FAM200B: variants seen among roughly 807,000 people sequenced by gnomAD.
FAM200B encodes the protein zinc finger BED-type containing 11, also known as protein FAM200B.
In FAM200B, 32 loss-of-function variants were observed where a neutral mutation model predicts 33.1. The observed-to-expected ratio is 0.97, with a 90% CI of 0.73 to 1.30. FAM200B has a LOEUF of 1.30. FAM200B is among the 50% of genes most tolerant of loss of function. The pLI is 0.00. For missense variants in FAM200B, 741 were observed against 754.0 expected (o/e 0.98, Z 0.20); for synonymous variants, 240 against 264.8 (o/e 0.91, Z 0.91).
the FAM200B span, among the ~76,000 whole-genome samples, chr4:15,643,350 G>T: frequency 1.3e-5 from 2 of 152,330 alleles, no homozygotes; most frequent in East Asian, 3.9e-4. Flanking sequence ...TAACAGAGTT[G>T]TAACTTAAGC....
At chr4:15,681,028 A>G (rs987935371), upstream of FAM200B, among the ~76,000 whole-genome samples, 2 of 151,306 alleles carry the variant, frequency 1.3e-5, no homozygotes, top group African/African-American at 4.8e-5. Flanking sequence ...ACTTATTTGC[A>G]CGAACCTATC....
chr4:15,643,466 A>C, the FAM200B span, among the ~76,000 whole-genome samples: 2 of 152,292 alleles, frequency 1.3e-5, no homozygotes, highest in African/African-American at 4.8e-5. Flanking sequence ...ATTATCCTAA[A>C]CTATACCCAG....
At chr4:15,642,780 ACCT>A in the FAM200B span, among the ~76,000 whole-genome samples, 1 of 151,668 alleles carries the variant, frequency 6.6e-6, no homozygotes, top group African/African-American at 2.4e-5. Context: ...CATCTTTACC[ACCT>A]CCTATTCATA....
the FAM200B span, among the ~76,000 whole-genome samples, chr4:15,646,377 T>A: frequency 6.6e-6 from 1 of 151,316 alleles, no homozygotes; most frequent in Non-Finnish European, 1.5e-5. Flanking sequence ...GATTTTTTTT[T>A]AAATCATAAG....
At chr4:15,671,438 G>A in the FAM200B span, among the ~76,000 whole-genome samples, 1 of 151,488 alleles carries the variant, frequency 6.6e-6, no homozygotes, top group South Asian at 2.1e-4. Flanking sequence ...GGTGTACTCT[G>A]GTTTGGGTTT....
upstream of FAM200B, among the ~76,000 whole-genome samples, chr4:15,679,957 G>C (rs1023783905): frequency 1.3e-5 from 2 of 152,156 alleles, no homozygotes; most frequent in Non-Finnish European, 2.9e-5. Context: ...CTGAAGAGTT[G>C]TTTCTAATAT....
chr4:15,669,513 G>A, the FAM200B span, among the ~76,000 whole-genome samples: 1 of 151,842 alleles, frequency 6.6e-6, no homozygotes, highest in Non-Finnish European at 1.5e-5. Flanking sequence ...TTCCAGCCTT[G>A]GCAACAGAGA....
the FAM200B span, among the ~76,000 whole-genome samples, chr4:15,674,458 T>G: frequency 6.6e-6 from 1 of 152,066 alleles, no homozygotes; most frequent in African/African-American, 2.4e-5. Flanking sequence ...GTCCCCCAAT[T>G]TTTATTATAT....
At chr4:15,662,056 G>T in the FAM200B span, among the ~76,000 whole-genome samples, 1 of 152,158 alleles carries the variant, frequency 6.6e-6, no homozygotes, top group African/African-American at 2.4e-5. Context: ...AAATAAGTCA[G>T]TCTTTTATAA....
the FAM200B span, among the ~76,000 whole-genome samples, chr4:15,658,963 T>C: frequency 6.6e-6 from 1 of 152,218 alleles, no homozygotes. Context: ...TAAATCCTGA[T>C]TACTGTTCTT....
exon 1 of FAM200B, chr4:15,681,817 TGGGGAGAGCA>T (rs992676773): frequency 1.3e-5 from 2 of 152,484 alleles, no homozygotes; most frequent in African/African-American, 2.4e-5. Flanking sequence ...GAGGGAAGTG[TGGGGAGAGCA>T]GAGGCGCAGC....
upstream of FAM200B, among the ~76,000 whole-genome samples, chr4:15,680,395 G>C (rs1718180937): frequency 6.6e-6 from 1 of 152,182 alleles, no homozygotes; most frequent in South Asian, 2.1e-4. Context: ...GAGAGGCTGG[G>C]TGCAGTGGCT....
chr4:15,644,589 C>A, the FAM200B span: 1 of 1,614,076 alleles, frequency 6.2e-7, no homozygotes, highest in Non-Finnish European at 8.5e-7. Flanking sequence ...GTTGTTGAAG[C>A]AAACCAATAA....
At chr4:15,682,090 G>A (rs1449637970) in intron 1 of FAM200B, 189 bp downstream of exon 1, 1 of 152,408 alleles carries the variant, frequency 6.6e-6, no homozygotes, top group Admixed American at 6.5e-5. Context: ...TCAGGCCAAA[G>A]TTCATTGAAA....
chr4:15,669,021 T>C, the FAM200B span, among the ~76,000 whole-genome samples: 2 of 152,216 alleles, frequency 1.3e-5, no homozygotes, highest in Non-Finnish European at 2.9e-5. Flanking sequence ...ATAACACTTG[T>C]AGAGAAATGT....
the FAM200B span, among the ~76,000 whole-genome samples, chr4:15,661,900 G>A: frequency 2.0e-5 from 3 of 152,210 alleles, no homozygotes; most frequent in Non-Finnish European, 4.4e-5. Flanking sequence ...TGGCTGTTGA[G>A]AGGCCTCACA....
chr4:15,658,839 G>C, the FAM200B span, among the ~76,000 whole-genome samples: 12 of 152,128 alleles, frequency 7.9e-5, no homozygotes, highest in African/African-American at 2.9e-4. Flanking sequence ...CTTAAGTTCA[G>C]CATTAAATAT....
chr4:15,687,435 T>C lies in FAM200B; in HGVS notation c.458T>C (p.Val153Ala). The change falls in exon 2 of 2, where the codon GTT becomes GCT. Residue 153 changes from valine to alanine, a missense_variant. Val to Ala is a moderately conservative substitution (Grantham distance 64). Coordinates refer to ENST00000422728, the MANE Select transcript of FAM200B (RefSeq NM_001145191.2). The stretch of plus-strand genomic sequence containing the variant: ...AAAGCCTTATTATCATCATATTTAG[T>C]TGCATATCGTGTGGCAAAAGAGAAA... ...SEKALLSSYLVAYRVAKEKIA... is the reference protein window; with the variant it reads ...SEKALLSSYLAAYRVAKEKIA... 1 of 1,550,964 alleles carries C rather than the reference T, an allele frequency of 6.4e-7. No homozygotes were observed.
the FAM200B span, among the ~76,000 whole-genome samples, chr4:15,648,678 C>T: frequency 6.6e-6 from 1 of 151,970 alleles, no homozygotes; most frequent in Admixed American, 6.6e-5. Flanking sequence ...CTCACAGAAG[C>T]AGAGAATATG....
Sources: gnomAD v4.1 joint callset for allele counts (sites outside exome capture counted in the v4.1 genomes callset) on GRCh38, gnomAD v4.1.1 for gene constraint, MANE v1.5 for transcripts, NCBI Gene and HGNC (gene_info 2026-07-23, HGNC 2026-07-21) for gene names.